The following RPS6KC1 variants were observed in gnomAD, a reference collection of about 807,000 sequenced individuals.
The protein encoded by RPS6KC1 is ribosomal protein S6 kinase C1, also known as inactive ribosomal protein S6 kinase delta-1.
In RPS6KC1, 54 loss-of-function variants were observed where a neutral mutation model predicts 103.8. The observed-to-expected ratio is 0.52, with a 90% CI of 0.42 to 0.65. The LOEUF is 0.65. Among genes scored for constraint, RPS6KC1 ranks in the 30% least tolerant of loss-of-function variants. The pLI is 0.00. For synonymous variants in RPS6KC1, 439 were observed against 438.7 expected (o/e 1.00, Z -0.01); for missense variants, 1,151 against 1,253.8 (o/e 0.92, Z 1.24).
rs556265379 is a variant in RPS6KC1 at position 213,059,906 on chromosome 1, C to T, written c.105+8397C>T. 3.9e-5 allele frequency among the ~76,000 whole-genome samples: 6 copies of T among 152,166 alleles called. No homozygotes were observed. In the East Asian group the frequency reaches 5.8e-4, roughly 15 times the overall value. ...CAGGATGGTCTCCATCTATTGACCT[C>T]GTGATCTGCCTGCCTCGGCCTCCCA... On this transcript the variant is annotated intron_variant, in intron 1 of 14. Coordinates refer to ENST00000366960, the MANE Select transcript of RPS6KC1 (RefSeq NM_012424.6).
At chr1:213,516,710 AG>A in the RPS6KC1 span, among the ~76,000 whole-genome samples, 1 of 152,176 alleles carries the variant, frequency 6.6e-6, no homozygotes, top group Non-Finnish European at 1.5e-5. Context: ...TGTCTCTGCC[AG>A]GCTTTGGTGT....
At chr1:213,658,299 T>C in the RPS6KC1 span, among the ~76,000 whole-genome samples, 11 of 152,196 alleles carry the variant, frequency 7.2e-5, no homozygotes, top group African/African-American at 2.7e-4. Context: ...TTACTGATCC[T>C]GAGATCCGGA....
chr1:213,650,978 G>T, the RPS6KC1 span, among the ~76,000 whole-genome samples: 2 of 149,134 alleles, frequency 1.3e-5, no homozygotes, highest in Non-Finnish European at 3.0e-5. Flanking sequence ...GAGAAAACGT[G>T]TTGGGGGTGG....
chr1:213,581,886 T>C, the RPS6KC1 span, among the ~76,000 whole-genome samples: 95 of 152,096 alleles, frequency 6.2e-4, no homozygotes, highest in Admixed American at 2.9e-3. Context: ...TTCTCCTGAT[T>C]TTGATTTCAG....
chr1:213,110,055 T>C (rs1382692087), intron 4 of RPS6KC1, among the ~76,000 whole-genome samples: 1 of 152,190 alleles, frequency 6.6e-6, no homozygotes, highest in Non-Finnish European at 1.5e-5. Context: ...AAATGCTTCA[T>C]TTGATCCTTT....
the RPS6KC1 span, among the ~76,000 whole-genome samples, chr1:213,833,857 C>A: frequency 6.6e-6 from 1 of 152,144 alleles, no homozygotes; most frequent in African/African-American, 2.4e-5. Flanking sequence ...ACTTTTGAGT[C>A]TCATTTACAC....
intron 6 of RPS6KC1, among the ~76,000 whole-genome samples, chr1:213,166,225 G>A (rs1333259925): frequency 6.6e-6 from 1 of 151,818 alleles, no homozygotes; most frequent in Non-Finnish European, 1.5e-5. Flanking sequence ...TGAGCCTAAG[G>A]TGAATCAAAA....
the RPS6KC1 span, among the ~76,000 whole-genome samples, chr1:213,347,748 A>G: frequency 4.6e-5 from 7 of 152,176 alleles, no homozygotes; most frequent in Non-Finnish European, 1.0e-4. Flanking sequence ...GAGTAATAGT[A>G]TAAGTCTAGC....
the RPS6KC1 span, among the ~76,000 whole-genome samples, chr1:213,637,531 G>A: frequency 1.6e-4 from 24 of 152,042 alleles, no homozygotes; most frequent in East Asian, 2.1e-3. Flanking sequence ...AGGCCTGCAC[G>A]TTGTGCTTAT....
chr1:213,184,333 C>T (rs1558495289), intron 8 of RPS6KC1, among the ~76,000 whole-genome samples: 1 of 151,984 alleles, frequency 6.6e-6, no homozygotes. Flanking sequence ...TAGAAACCTT[C>T]AACAAAATAT....
chr1:213,579,859 C>T, the RPS6KC1 span, among the ~76,000 whole-genome samples: 1 of 152,026 alleles, frequency 6.6e-6, no homozygotes, highest in Non-Finnish European at 1.5e-5. Context: ...TCGAGAATTA[C>T]TGCTGAGAAT....
the RPS6KC1 span, among the ~76,000 whole-genome samples, chr1:213,505,852 A>G: frequency 6.6e-6 from 1 of 152,018 alleles, no homozygotes; most frequent in East Asian, 1.9e-4. Flanking sequence ...TATCTACTTC[A>G]TGGCTTCTCT....
chr1:213,462,526 T>G, the RPS6KC1 span, among the ~76,000 whole-genome samples: 1 of 152,160 alleles, frequency 6.6e-6, no homozygotes, highest in Non-Finnish European at 1.5e-5. Flanking sequence ...AATGATAGAC[T>G]GGATAAAGAA....
chr1:213,416,143 C>T, the RPS6KC1 span, among the ~76,000 whole-genome samples: 2 of 152,130 alleles, frequency 1.3e-5, no homozygotes, highest in Admixed American at 6.5e-5. Context: ...CGCATGCACC[C>T]GGCACTCTGC....
the RPS6KC1 span, among the ~76,000 whole-genome samples, chr1:213,307,389 G>A: frequency 6.6e-6 from 1 of 152,096 alleles, no homozygotes; most frequent in African/African-American, 2.4e-5. Flanking sequence ...TTGTCAGGAT[G>A]AGTCCCATAG....
At chr1:213,417,116 G>A in the RPS6KC1 span, among the ~76,000 whole-genome samples, 1 of 152,202 alleles carries the variant, frequency 6.6e-6, no homozygotes, top group South Asian at 2.1e-4. Flanking sequence ...AGGGACCATC[G>A]GGCCCTCATC....
At chr1:213,339,857 A>C in the RPS6KC1 span, among the ~76,000 whole-genome samples, 1 of 151,706 alleles carries the variant, frequency 6.6e-6, no homozygotes, top group African/African-American at 2.4e-5. Flanking sequence ...AGTTAGATGA[A>C]GAAAGTTGAG....
At chr1:213,805,202 G>C in the RPS6KC1 span, among the ~76,000 whole-genome samples, 1 of 152,194 alleles carries the variant, frequency 6.6e-6, no homozygotes, top group Non-Finnish European at 1.5e-5. Flanking sequence ...AGTTGCTGAG[G>C]GTTAGGGTGG....
At chr1:213,153,861 T>C (rs939114117) in intron 6 of RPS6KC1, among the ~76,000 whole-genome samples, 1 of 152,146 alleles carries the variant, frequency 6.6e-6, no homozygotes, top group African/African-American at 2.4e-5. Flanking sequence ...CTAGGGTAAA[T>C]GTTTTTTTTT....
Sources: allele counts gnomAD v4.1 joint callset (sites outside exome capture counted in the v4.1 genomes callset), GRCh38; gene constraint gnomAD v4.1.1; transcripts MANE v1.5; gene names NCBI Gene and HGNC (gene_info 2026-07-23, HGNC 2026-07-21).